The following WWC1 variants were observed in gnomAD, a reference collection of about 807,000 sequenced individuals.
The protein encoded by WWC1 is WW and C2 domain containing 1.
WWC1 carries 55 observed loss-of-function variants against 138.4 expected under a neutral mutation model. The ratio of observed to expected loss-of-function variants is 0.40; its 90% CI spans 0.32 to 0.50. The LOEUF is 0.50. Among genes scored for constraint, WWC1 ranks in the 20% least tolerant of loss-of-function variants. The probability of loss-of-function intolerance (pLI) is 0.72; values close to 1 mark genes in which losing one functional copy is unlikely to be tolerated. For synonymous variants in WWC1, 524 were observed against 564.9 expected (o/e 0.93, Z 1.03); for missense variants, 1,226 against 1,420.4 (o/e 0.86, Z 2.20).
intron 2 of WWC1, among the ~76,000 whole-genome samples, chr5:168,373,719 T>TAA (rs368930085): frequency 0.04 from 2,094 of 52,614 alleles, 112 homozygotes; most frequent in Middle Eastern, 0.062. Context: ...CCTTGTCTCT[T>TAA]AAAAAAAAAA....
At chr5:168,450,548 C>T (rs931169774) in intron 17 of WWC1, among the ~76,000 whole-genome samples, 3 of 152,078 alleles carry the variant, frequency 2.0e-5, no homozygotes, top group African/African-American at 7.2e-5. Context: ...TGCCTGTAAT[C>T]CCAGCTACTC....
intron 3 of WWC1, among the ~76,000 whole-genome samples, chr5:168,393,150 T>A (rs1209313745): frequency 1.3e-5 from 2 of 152,126 alleles, no homozygotes; most frequent in Non-Finnish European, 2.9e-5. Flanking sequence ...GGAAATCTAC[T>A]ATCTGAGGAA....
intron 15 of WWC1, among the ~76,000 whole-genome samples, chr5:168,441,428 GT>G (rs1308417638): frequency 6.6e-6 from 1 of 152,078 alleles, no homozygotes; most frequent in Non-Finnish European, 1.5e-5. Flanking sequence ...TTTTATCACA[GT>G]TTTTTTAATT....
intron 1 of WWC1, among the ~76,000 whole-genome samples, chr5:168,341,591 A>G (rs758864525): frequency 2.0e-5 from 3 of 152,050 alleles, no homozygotes; most frequent in African/African-American, 4.8e-5. Context: ...TATGCTTTAG[A>G]TCTAAAACCC....
At position 168,392,657 on chromosome 5, in the gene WWC1, G is replaced by T. The variant is rs756187391; in HGVS notation, c.434-5067G>T. 2.0e-4 allele frequency among the ~76,000 whole-genome samples: 30 copies of T among 152,024 alleles called. 1 individual carries two copies. Among genetic ancestry groups the T allele is most frequent in the Non-Finnish European group, 1.0e-4 (7 of 68,012 alleles). ...ACAGTGAGCTATGATTGTGTACATT[G>T]CACTTCAGCCTGGGCAACAGACACC... On this transcript the variant is annotated intron_variant, in intron 3 of 22. Transcript: ENST00000265293.
intron 3 of WWC1, among the ~76,000 whole-genome samples, chr5:168,388,870 G>A (rs1035933622): frequency 7.2e-5 from 11 of 151,752 alleles, no homozygotes; most frequent in African/African-American, 2.4e-4. Flanking sequence ...AATAATTGTC[G>A]ATGACACATT....
intron 2 of WWC1, among the ~76,000 whole-genome samples, chr5:168,382,836 AAGG>A (rs1244987524): frequency 6.6e-6 from 1 of 152,106 alleles, no homozygotes; most frequent in Non-Finnish European, 1.5e-5. Context: ...TTCTCAGAAA[AAGG>A]AGGAGGAAAA....
Position 168,471,490 on chromosome 5 carries a change from A to T in WWC1, c.*2473A>T, listed in dbSNP as rs1757671197. The T allele has an allele frequency of 6.6e-6, 1 of 152,264 alleles. No individual in the cohort carries two copies. Among genetic ancestry groups the T allele is most frequent in the Non-Finnish European group, 1.5e-5 (1 of 68,084 alleles). The allele number at this position is 152,264 out of a possible 1,614,324, so 9.4% of individuals were successfully genotyped here. On this transcript the variant is annotated 3_prime_UTR_variant, in exon 23 of 23. Transcript: ENST00000265293. ...GGATGGTCTCGTGCTGCTCTGTGGC[A>T]CCTGTGCCTACACTCCTCTGAGCTT...
chr5:168,322,805 T>C (rs955805254), intron 1 of WWC1, among the ~76,000 whole-genome samples: 1 of 152,210 alleles, frequency 6.6e-6, no homozygotes, highest in African/African-American at 2.4e-5. Context: ...ATTTTTTGCA[T>C]GTGGTTTCCA....
intron 9 of WWC1, chr5:168,415,929 G>A (rs1333986934): frequency 6.6e-6 from 1 of 151,198 alleles, no homozygotes; most frequent in African/African-American, 2.4e-5. Flanking sequence ...CAGAGGCCCA[G>A]TCTATGAAGC....
rs147255403 is a variant in WWC1, at chr5:168,412,867, A to G, written c.942-1481A>G. On this transcript the variant is annotated intron_variant, in intron 8 of 22. Coordinates refer to ENST00000265293, the MANE Select transcript of WWC1 (RefSeq NM_015238.3). The stretch of plus-strand genomic sequence containing the variant: ...TATGCATAGGTTATATGTAAACACT[A>G]TGCCATTTTATATAAAGCACTTGAG... Among the ~76,000 whole-genome samples, 1,276 of 152,360 alleles carry G rather than the reference A, an allele frequency of 8.4e-3. 23 individuals are homozygous for G. Among genetic ancestry groups the G allele is most frequent in the African/African-American group, 0.03 (1,229 of 41,586 alleles).
rs150251760 is a variant in WWC1, at chr5:168,421,773, A to G, written c.1185-235A>G. ...ACTATGCAGCATTATTGTGTGACTG[A>G]ATTAAGGCAGTGTCCTAAGGTTCCC... On this transcript the variant is annotated intron_variant, in intron 9 of 22. Transcript: ENST00000265293. Among the ~76,000 whole-genome samples, 382 of 152,312 alleles carry G rather than the reference A, an allele frequency of 2.5e-3. 4 individuals carry two copies. Among genetic ancestry groups the G allele is most frequent in the Non-Finnish European group, 3.0e-3 (204 of 68,012 alleles).
chr5:168,391,463 A>G (rs1287457633), intron 3 of WWC1, among the ~76,000 whole-genome samples: 1 of 152,126 alleles, frequency 6.6e-6, no homozygotes, highest in African/African-American at 2.4e-5. Flanking sequence ...GATCGAGACC[A>G]TCCTGGCTAA....
chr5:168,327,622 G>A (rs1475340540), intron 1 of WWC1, among the ~76,000 whole-genome samples: 4 of 152,242 alleles, frequency 2.6e-5, no homozygotes, highest in Non-Finnish European at 5.9e-5. Flanking sequence ...GGAAGCTGGA[G>A]GTAGCAAGAG....
intron 1 of WWC1, among the ~76,000 whole-genome samples, chr5:168,326,214 G>GTTTTTTTTTTTTTTTTTTT (rs1772519891): frequency 9.0e-6 from 1 of 111,720 alleles, no homozygotes; most frequent in African/African-American, 3.3e-5. Flanking sequence ...CGACCTGATA[G>GTTTTTTTTTTTTTTTTTTT]TCTTTTTTTT....
intron 9 of WWC1, among the ~76,000 whole-genome samples, chr5:168,416,930 C>T (rs1459492248): frequency 6.6e-6 from 1 of 152,100 alleles, no homozygotes; most frequent in Non-Finnish European, 1.5e-5. Context: ...TGCAGTGGCA[C>T]GATCTCGGCT....
intron 1 of WWC1, among the ~76,000 whole-genome samples, 185 bp from the exon 2 acceptor site, chr5:168,371,239 T>A (rs1413325557): frequency 6.6e-6 from 1 of 152,222 alleles, no homozygotes; most frequent in Non-Finnish European, 1.5e-5. Flanking sequence ...GATCTTATCC[T>A]GCTGCTGCAG....
intron 15 of WWC1, among the ~76,000 whole-genome samples, 171 bp from the exon 16 acceptor site, chr5:168,441,510 TG>T (rs1230125093): frequency 1.3e-5 from 2 of 152,166 alleles, no homozygotes; most frequent in Non-Finnish European, 2.9e-5. Flanking sequence ...AATGAATGAA[TG>T]AACAAATGAG....
intron 20 of WWC1, among the ~76,000 whole-genome samples, chr5:168,461,681 C>T (rs529564463): frequency 5.3e-5 from 8 of 152,280 alleles, no homozygotes; most frequent in East Asian, 1.9e-4. Context: ...GGGGCCCTCC[C>T]GACTTTGGGC....
Sources: gnomAD v4.1 joint callset for allele counts (sites outside exome capture counted in the v4.1 genomes callset) on GRCh38, gnomAD v4.1.1 for gene constraint, MANE v1.5 for transcripts, NCBI Gene and HGNC (gene_info 2026-07-23, HGNC 2026-07-21) for gene names.